Variants in CCSER1 observed in about 807,000 individuals in gnomAD.
CCSER1 encodes the protein serine-rich coiled-coil domain-containing protein 1.
A neutral mutation model predicts 82.0 loss-of-function variants in CCSER1; 41 were observed. That is an observed-to-expected ratio of 0.50 (90% CI 0.39 to 0.65). The LOEUF (loss-of-function observed/expected upper bound fraction) is 0.65. Among genes scored for constraint, CCSER1 ranks in the 30% least tolerant of loss-of-function variants. The probability of loss-of-function intolerance (pLI) is 0.00; values close to 1 mark genes in which losing one functional copy is unlikely to be tolerated. For synonymous variants in CCSER1, 414 were observed against 383.9 expected (o/e 1.08, Z -0.92); for missense variants, 1,119 against 1,064.2 (o/e 1.05, Z -0.72).
intron 10 of CCSER1, among the ~76,000 whole-genome samples, chr4:91,268,667 G>C (rs1267769421): frequency 5.9e-5 from 9 of 152,140 alleles, no homozygotes. Flanking sequence ...GGGAGATAGG[G>C]GTGGGGCTGT....
chr4:90,528,204 C>T (rs1259591066), intron 5 of CCSER1, among the ~76,000 whole-genome samples: 1 of 152,084 alleles, frequency 6.6e-6, no homozygotes, highest in Admixed American at 6.6e-5. Flanking sequence ...TATGGAAATG[C>T]AGAAGAAAAA....
At chr4:91,016,021 T>C (rs1294367640) in intron 9 of CCSER1, among the ~76,000 whole-genome samples, 1 of 152,014 alleles carries the variant, frequency 6.6e-6, no homozygotes, top group Non-Finnish European at 1.5e-5. Flanking sequence ...TGAATACTTA[T>C]TACTGAACAG....
intron 10 of CCSER1, among the ~76,000 whole-genome samples, chr4:91,348,640 G>A (rs1319042458): frequency 3.3e-5 from 5 of 152,160 alleles, no homozygotes; most frequent in South Asian, 2.1e-4. Flanking sequence ...TTTTTAAATA[G>A]ATGTTTAGAT....
intron 8 of CCSER1, among the ~76,000 whole-genome samples, chr4:90,843,317 G>A (rs1733490412): frequency 6.6e-6 from 1 of 152,118 alleles, no homozygotes; most frequent in South Asian, 2.1e-4. Context: ...AATTCCTACG[G>A]ATTTTCAGGT....
At chr4:91,067,290 G>A (rs972203026) in intron 9 of CCSER1, among the ~76,000 whole-genome samples, 4 of 151,860 alleles carry the variant, frequency 2.6e-5, no homozygotes, top group Non-Finnish European at 4.4e-5. Context: ...TGGAAAGACT[G>A]TGTATGCTGA....
chr4:91,262,915 C>G (rs1741305265), intron 10 of CCSER1, among the ~76,000 whole-genome samples: 1 of 151,848 alleles, frequency 6.6e-6, no homozygotes, highest in African/African-American at 2.4e-5. Context: ...TTAGCGCAGC[C>G]TGACTCACTT....
chr4:90,815,901 T>G lies in CCSER1; in HGVS notation c.2094+56T>G, dbSNP rs996991373. 24 of 1,222,996 alleles carry G rather than the reference T, an allele frequency of 2.0e-5. No individual in the cohort carries two copies. In the East Asian group the frequency reaches 6.2e-4, roughly 32 times the overall value. 75.8% of individuals were successfully genotyped at this position (1,222,996 alleles called of 1,614,324 possible). Reference sequence around the variant, plus strand: ...GTACTTTACTTTCAAGGTTATTTGTTCCACGCCCTTATTTATTAACACCAA... The same window carrying G: ...GTACTTTACTTTCAAGGTTATTTGTGCCACGCCCTTATTTATTAACACCAA... On this transcript the variant is annotated intron_variant, in intron 8 of 10. Coordinates refer to ENST00000509176, the MANE Select transcript of CCSER1 (RefSeq NM_001145065.2).
At chr4:91,474,217 T>C (rs1293464857) in intron 10 of CCSER1, among the ~76,000 whole-genome samples, 1 of 151,962 alleles carries the variant, frequency 6.6e-6, no homozygotes, top group Non-Finnish European at 1.5e-5. Context: ...AAAACCTTTG[T>C]ATGTAACATA....
At chr4:90,188,425 A>C (rs12331460) in intron 1 of CCSER1, among the ~76,000 whole-genome samples, 16 of 151,718 alleles carry the variant, frequency 1.1e-4, no homozygotes, top group African/African-American at 3.9e-4. Flanking sequence ...CCAAGAGTTT[A>C]AAAGTAGGGT....
At chr4:91,120,942 C>T (rs1561564744) in intron 10 of CCSER1, among the ~76,000 whole-genome samples, 1 of 151,902 alleles carries the variant, frequency 6.6e-6, no homozygotes, top group African/African-American at 2.4e-5. Context: ...AACACCTGCT[C>T]TTTTTCATAT....
intron 10 of CCSER1, among the ~76,000 whole-genome samples, chr4:91,477,836 G>A (rs1408054387): frequency 6.6e-6 from 1 of 151,714 alleles, no homozygotes; most frequent in Non-Finnish European, 1.5e-5. Flanking sequence ...TAGTATATAT[G>A]CATCAAATTC....
intron 10 of CCSER1, among the ~76,000 whole-genome samples, chr4:91,397,766 A>G (rs1752077792): frequency 6.6e-6 from 1 of 152,052 alleles, no homozygotes; most frequent in Non-Finnish European, 1.5e-5. Context: ...TTAAAATTTT[A>G]ATAGAATTAG....
At chr4:90,849,476 C>T (rs1053524622) in intron 8 of CCSER1, among the ~76,000 whole-genome samples, 1 of 152,004 alleles carries the variant, frequency 6.6e-6, no homozygotes, top group Non-Finnish European at 1.5e-5. Flanking sequence ...GGAAAATTTG[C>T]AGGCTGAAGA....
At chr4:90,569,507 A>C (rs1779855864) in intron 5 of CCSER1, among the ~76,000 whole-genome samples, 1 of 152,146 alleles carries the variant, frequency 6.6e-6, no homozygotes. Context: ...CTCAAAACAG[A>C]CATAAGGAAG....
At chr4:91,545,637 T>C (rs1425559920) in intron 10 of CCSER1, among the ~76,000 whole-genome samples, 3 of 152,180 alleles carry the variant, frequency 2.0e-5, no homozygotes, top group Non-Finnish European at 4.4e-5. Context: ...TAACTTTCTA[T>C]CTTACAACCT....
intron 4 of CCSER1, among the ~76,000 whole-genome samples, chr4:90,451,199 G>A (rs905275592): frequency 1.3e-5 from 2 of 152,142 alleles, no homozygotes; most frequent in African/African-American, 4.8e-5. Flanking sequence ...AGGTACTTGG[G>A]AAGTCCAATG....
At chr4:91,165,878 TGTGCTTCCTGGGAGAG>T (rs1732000739) in intron 10 of CCSER1, among the ~76,000 whole-genome samples, 1 of 152,206 alleles carries the variant, frequency 6.6e-6, no homozygotes, top group Non-Finnish European at 1.5e-5. Context: ...CCCAACCCAT[TGTGCTTCCTGGGAGAG>T]GTGGTATCCT....
chr4:90,244,254 T>A (rs1400254570), intron 1 of CCSER1, among the ~76,000 whole-genome samples: 2 of 152,200 alleles, frequency 1.3e-5, no homozygotes, highest in Non-Finnish European at 2.9e-5. Context: ...AGTAAGATGC[T>A]TAATGGACTC....
chr4:91,213,529 G>C (rs923375087), intron 10 of CCSER1, among the ~76,000 whole-genome samples: 5 of 152,078 alleles, frequency 3.3e-5, no homozygotes, highest in African/African-American at 1.2e-4. Context: ...AAATAATGAA[G>C]TATGTTTGTC....
Sources: allele counts gnomAD v4.1 joint callset (sites outside exome capture counted in the v4.1 genomes callset), GRCh38; gene constraint gnomAD v4.1.1; transcripts MANE v1.5; gene names NCBI Gene and HGNC (gene_info 2026-07-23, HGNC 2026-07-21).